DHX38: variants seen among roughly 807,000 people sequenced by gnomAD.
The protein encoded by DHX38 is pre-mRNA-splicing factor ATP-dependent RNA helicase PRP16.
A neutral mutation model predicts 153.1 loss-of-function variants in DHX38; 100 were observed. The observed-to-expected ratio is 0.65, with a 90% confidence interval of 0.56 to 0.77. The LOEUF is 0.77. Ranked by LOEUF, DHX38 falls within the 30% of genes least tolerant of loss-of-function variation. DHX38 has a pLI of 0.00. For missense variants in DHX38, 1,440 were observed against 1,654.0 expected (o/e 0.87, Z 2.24); for synonymous variants, 650 against 631.7 (o/e 1.03, Z -0.43).
chr16:72,105,443 T>C (rs1597445822), intron 17 of DHX38, 74 bp from the exon 18 acceptor site: 1 of 1,600,278 alleles, frequency 6.2e-7, no homozygotes, highest in South Asian at 1.1e-5. Context: ...GGCTAGGAGG[T>C]AGGCTTTTCC....
At chr16:72,098,075 G>T (rs2042046307) in intron 4 of DHX38, among the ~76,000 whole-genome samples, 1 of 152,212 alleles carries the variant, frequency 6.6e-6, no homozygotes, top group African/African-American at 2.4e-5. Flanking sequence ...TTATATCCAA[G>T]AAGGGTGTGT....
Position 72,105,153 on chromosome 16 carries a change from A to G in DHX38, c.2262+16A>G. 1 of 1,614,134 alleles carries G rather than the reference A, an allele frequency of 6.2e-7. No individual in the cohort carries two copies. The highest frequency in any genetic ancestry group is 1.1e-5 in the South Asian group (1 of 91,086). On this transcript the variant is annotated intron_variant, in intron 16 of 26. Coordinates refer to ENST00000268482, the MANE Select transcript of DHX38 (RefSeq NM_014003.4). ...GGACATTGAGGTGCGTGCCTTGGTC[A>G]CGACTGTGATGAGCGGGTGTGTCTT...
chr16:72,099,960 C>G, intron 8 of DHX38, 73 bp downstream of exon 8: 1 of 1,528,800 alleles, frequency 6.5e-7, no homozygotes, highest in Non-Finnish European at 8.8e-7. Flanking sequence ...GCAGGTTATC[C>G]CCAAGTGAGG....
At chr16:72,110,091 T>G (rs2042237557) in intron 25 of DHX38, among the ~76,000 whole-genome samples, 2 of 152,242 alleles carry the variant, frequency 1.3e-5, no homozygotes, top group Non-Finnish European at 2.9e-5. Context: ...GATCCAGGCA[T>G]TGCAACTGCT....
chr16:72,105,120 G>A lies in DHX38; in HGVS notation c.2245G>A (p.Gly749Ser). 6.2e-7 allele frequency: 1 copy of A among 1,614,200 alleles called. No homozygotes were observed. Among genetic ancestry groups the A allele is most frequent in the Non-Finnish European group, 8.5e-7 (1 of 1,180,022 alleles). Residue 749 changes from glycine (G) to serine (S), a missense_variant, in exon 16 of 27, where the codon GGC becomes AGC. Gly to Ser is a moderately conservative substitution (Grantham distance 56). Coordinates refer to ENST00000268482, the MANE Select transcript of DHX38 (RefSeq NM_014003.4). ...TGGAGACATCCTTATCTTCATGCCT[G>A]GCCAAGAGGACATTGAGGTGCGTGC... ...APGDILIFMP[G>S]QEDIEVTSDQ...
At position 72,112,565 on chromosome 16, in the gene DHX38, G is replaced by T. The variant is rs1597451613; in HGVS notation, c.*68G>T. On this transcript the variant is annotated 3_prime_UTR_variant, in exon 27 of 27. Coordinates refer to ENST00000268482, the MANE Select transcript of DHX38 (RefSeq NM_014003.4). ...CTCAGCCTTCTGGCGGGAGCCCTGA[G>T]GCTGCGGACAAAGCCCTTTCATCTG... 3 of 1,546,266 alleles carry T rather than the reference G, an allele frequency of 1.9e-6. No homozygotes were observed. The African/African-American group carries it at 4.1e-5, about 21-fold the overall frequency.
In DHX38 at chr16:72,098,847, G is replaced by A. The variant is rs2042057544; in HGVS notation, c.764+55G>A. 5.0e-6 allele frequency: 8 copies of A among 1,613,228 alleles called. No individual in the cohort carries two copies. The African/African-American group carries it at 5.3e-5, about 11-fold the overall frequency. ...CGCTGGGTGGGCGGTAAGGAGCCTCGGCAGGGAGAGCAGATGGTGGCCAGG... is the reference window on the plus strand; with the variant it reads ...CGCTGGGTGGGCGGTAAGGAGCCTCAGCAGGGAGAGCAGATGGTGGCCAGG... On this transcript the variant is annotated intron_variant, in intron 5 of 26. Transcript: ENST00000268482.
intron 17 of DHX38, 76 bp downstream of exon 17, chr16:72,105,424 C>T (rs1223623960): frequency 6.3e-7 from 1 of 1,597,742 alleles, no homozygotes; most frequent in Non-Finnish European, 8.6e-7. Context: ...ACTGTCCTGG[C>T]AGGGGGTGGG....
intron 19 of DHX38, among the ~76,000 whole-genome samples, chr16:72,106,636 A>C (rs2042182564): frequency 6.6e-6 from 1 of 151,818 alleles, no homozygotes; most frequent in Admixed American, 6.6e-5. Flanking sequence ...TTTTGTAGAG[A>C]TGGGGTCTTG....
chr16:72,102,611 G>A (rs931279248), intron 11 of DHX38, among the ~76,000 whole-genome samples: 2 of 152,206 alleles, frequency 1.3e-5, no homozygotes, highest in Non-Finnish European at 2.9e-5. Flanking sequence ...CTTTCCTGCT[G>A]TCCTGCCAAG....
intron 12 of DHX38, 149 bp downstream of exon 12, chr16:72,103,360 C>A: frequency 8.5e-7 from 1 of 1,169,958 alleles, no homozygotes; most frequent in Non-Finnish European, 1.2e-6. Flanking sequence ...CTGGGGTACA[C>A]TGCACAAAGT....
chr16:72,106,264 A>G, intron 19 of DHX38, 147 bp downstream of exon 19: 1 of 714,338 alleles, frequency 1.4e-6, no homozygotes, highest in South Asian at 1.8e-5. Context: ...TAGTCCTTTC[A>G]TCCTATGCTA....
At chr16:72,097,917 G>T in intron 4 of DHX38, 136 bp downstream of exon 4, 1 of 874,490 alleles carries the variant, frequency 1.1e-6, no homozygotes. Context: ...GGGATAGTTG[G>T]TTCTGAGTCA....
At chr16:72,112,207 A>G (rs1042336638) in intron 26 of DHX38, 8 of 599,558 alleles carry the variant, frequency 1.3e-5, no homozygotes, top group Non-Finnish European at 2.1e-5. Flanking sequence ...TCTAAAGCAT[A>G]TCGGAATGAG....
At chr16:72,101,689 A>T (rs1031544599) in intron 11 of DHX38, 77 bp downstream of exon 11, 3 of 1,237,728 alleles carry the variant, frequency 2.4e-6, no homozygotes, top group Non-Finnish European at 3.5e-6. Context: ...GGCAGAACCC[A>T]TCGACTTTGT....
At chr16:72,099,583 G>GTC (rs1448893086) in intron 7 of DHX38, 149 bp from the exon 8 acceptor site, 4 of 1,072,624 alleles carry the variant, frequency 3.7e-6, no homozygotes, top group Non-Finnish European at 5.4e-6. Flanking sequence ...GATGGCATGT[G>GTC]TCTGCAGGGA....
intron 12 of DHX38, 145 bp downstream of exon 12, chr16:72,103,356 T>TCAG: frequency 8.4e-7 from 1 of 1,192,616 alleles, no homozygotes. Flanking sequence ...ATGCCTGGGG[T>TCAG]ACACTGCACA....
chr16:72,112,234 C>T, intron 26 of DHX38, 179 bp from the exon 27 acceptor site: 1 of 618,372 alleles, frequency 1.6e-6, no homozygotes, highest in Non-Finnish European at 2.9e-6. Flanking sequence ...TCCTTGATTA[C>T]ATCGCCAGTC....
Position 72,101,736 on chromosome 16 carries a change from C to T in DHX38, c.1499+124C>T, listed in dbSNP as rs1023865608. The T allele has an allele frequency of 1.9e-5, 13 of 697,078 alleles. No individual in the cohort carries two copies. The East Asian group carries it at 3.3e-4, about 18-fold the overall frequency. 43.2% of individuals were successfully genotyped at this position (697,078 alleles called of 1,614,324 possible). The stretch of plus-strand genomic sequence containing the variant: ...GGGAGACTCTTAGGATACCTCTCTG[C>T]ATCTTCCATTCTCTCTGGTCCCTTC... On this transcript the variant is annotated intron_variant, in intron 11 of 26. Coordinates refer to ENST00000268482, the MANE Select transcript of DHX38 (RefSeq NM_014003.4).
Sources: allele counts gnomAD v4.1 joint callset (sites outside exome capture counted in the v4.1 genomes callset), GRCh38; gene constraint gnomAD v4.1.1; transcripts MANE v1.5; gene names NCBI Gene and HGNC (gene_info 2026-07-23, HGNC 2026-07-21).